UNC13C: variants seen among roughly 807,000 people sequenced by gnomAD.
UNC13C encodes the protein unc-13 homolog C.
UNC13C carries 174 observed loss-of-function variants against 245.4 expected under a neutral mutation model. The observed-to-expected ratio is 0.71, with a 90% confidence interval of 0.63 to 0.80. The LOEUF (loss-of-function observed/expected upper bound fraction) is 0.80. Ranked by LOEUF, UNC13C falls within the 30% of genes least tolerant of loss-of-function variation. UNC13C has a pLI of 0.00. For synonymous variants in UNC13C, 992 were observed against 895.1 expected (o/e 1.11, Z -1.93); for missense variants, 2,829 against 2,602.9 (o/e 1.09, Z -1.89).
intron 17 of UNC13C, among the ~76,000 whole-genome samples, chr15:54,342,403 A>G (rs1011499586): frequency 1.3e-5 from 2 of 149,866 alleles, no homozygotes; most frequent in African/African-American, 4.9e-5. Context: ...TATCTCTACA[A>G]TTTTTTTTTT....
At chr15:53,990,524 A>C (rs540403215) in intron 1 of UNC13C, among the ~76,000 whole-genome samples, 1 of 152,082 alleles carries the variant, frequency 6.6e-6, no homozygotes, top group South Asian at 2.1e-4. Flanking sequence ...AAAATTTTAA[A>C]ATCTTTTGTT....
chr15:54,275,374 A>C (rs1257555187), intron 10 of UNC13C, among the ~76,000 whole-genome samples: 2 of 152,198 alleles, frequency 1.3e-5, no homozygotes, highest in Non-Finnish European at 2.9e-5. Context: ...AATTAAAACT[A>C]TGTGAAAATC....
chr15:54,500,895 C>T lies in UNC13C; in HGVS notation c.5218C>T (p.Leu1740=). 1 of 1,612,894 alleles carries T rather than the reference C, an allele frequency of 6.2e-7. No individual in the cohort carries two copies. The highest frequency in any genetic ancestry group is 2.2e-5 in the East Asian group (1 of 44,862). The part of the protein sequence containing the change: ...SCSVVDVFAQ[L]NQSFEIIKKL... Reference sequence around the variant, plus strand: ...CTCCGTGGTTGATGTCTTTGCTCAGCTGAATCAGAGCTTTGAAATTATTAA... The same window carrying T: ...CTCCGTGGTTGATGTCTTTGCTCAGTTGAATCAGAGCTTTGAAATTATTAA... Residue 1740 remains leucine (L), a synonymous_variant, in exon 22 of 33, where the codon CTG becomes TTG. Coordinates refer to ENST00000260323, the MANE Select transcript of UNC13C (RefSeq NM_001080534.3).
At chr15:54,020,358 T>A (rs1049048450) in intron 2 of UNC13C, among the ~76,000 whole-genome samples, 1 of 148,682 alleles carries the variant, frequency 6.7e-6, no homozygotes, top group African/African-American at 2.5e-5. Flanking sequence ...CACTGCAACC[T>A]CCTCCTCCTG....
chr15:53,840,523 T>C, the UNC13C span, among the ~76,000 whole-genome samples: 118 of 152,200 alleles, frequency 7.8e-4, no homozygotes, highest in African/African-American at 2.8e-3. Flanking sequence ...ACTGTAAGAC[T>C]TGAGCAGTCA....
chr15:54,478,582 C>T (rs1314151619), intron 19 of UNC13C, among the ~76,000 whole-genome samples: 8 of 151,880 alleles, frequency 5.3e-5, no homozygotes, highest in African/African-American at 1.4e-4. Flanking sequence ...AGTAGTCATT[C>T]AGGAGCAGGT....
chr15:53,848,611 G>GTGTT, the UNC13C span, among the ~76,000 whole-genome samples: 1 of 152,080 alleles, frequency 6.6e-6, no homozygotes, highest in Admixed American at 6.5e-5. Context: ...GTTGGACAGG[G>GTGTT]TGTTCTCTGT....
At chr15:54,375,238 G>A (rs1258893861) in intron 17 of UNC13C, among the ~76,000 whole-genome samples, 2 of 152,204 alleles carry the variant, frequency 1.3e-5, no homozygotes, top group Non-Finnish European at 2.9e-5. Flanking sequence ...TGCCTCAACT[G>A]TATCAAATGA....
the UNC13C span, among the ~76,000 whole-genome samples, chr15:53,941,745 A>C: frequency 6.6e-6 from 1 of 152,212 alleles, no homozygotes; most frequent in Non-Finnish European, 1.5e-5. Context: ...AAAAGTAGGC[A>C]AAGGATATGA....
intron 2 of UNC13C, among the ~76,000 whole-genome samples, chr15:54,096,468 A>T (rs1325601341): frequency 1.3e-5 from 2 of 152,094 alleles, no homozygotes; most frequent in Admixed American, 6.5e-5. Context: ...TTTTCCCCTT[A>T]ACAGCAAAAC....
the UNC13C span, among the ~76,000 whole-genome samples, chr15:53,885,293 G>T: frequency 1.3e-5 from 2 of 152,174 alleles, no homozygotes; most frequent in African/African-American, 4.8e-5. Context: ...TCTTCCCTAA[G>T]GTGGGGCATA....
intron 10 of UNC13C, among the ~76,000 whole-genome samples, chr15:54,275,855 C>G (rs979208010): frequency 2.4e-4 from 37 of 152,026 alleles, no homozygotes; most frequent in African/African-American, 8.4e-4. Flanking sequence ...GAAAACAACC[C>G]CAAGTCTTCA....
intron 16 of UNC13C, among the ~76,000 whole-genome samples, chr15:54,336,277 G>C (rs1364961796): frequency 6.6e-6 from 1 of 151,970 alleles, no homozygotes; most frequent in Non-Finnish European, 1.5e-5. Flanking sequence ...ACCTCACAAA[G>C]TTATCATATT....
intron 19 of UNC13C, among the ~76,000 whole-genome samples, chr15:54,443,362 G>A (rs1006875687): frequency 6.6e-6 from 1 of 151,828 alleles, no homozygotes; most frequent in African/African-American, 2.4e-5. Flanking sequence ...AATCCAATTT[G>A]TTTCATTGAT....
chr15:54,265,936 A>G (rs2036539714), intron 10 of UNC13C, among the ~76,000 whole-genome samples: 1 of 151,980 alleles, frequency 6.6e-6, no homozygotes, highest in Non-Finnish European at 1.5e-5. Context: ...TACTATTGAG[A>G]TGGTTGATGA....
intron 2 of UNC13C, among the ~76,000 whole-genome samples, chr15:54,106,295 A>C (rs1900441981): frequency 6.6e-6 from 1 of 152,226 alleles, no homozygotes; most frequent in Admixed American, 6.5e-5. Context: ...TGTCAAAGTG[A>C]TAATTTCCTT....
At chr15:53,992,571 A>T (rs2140962078) in intron 1 of UNC13C, among the ~76,000 whole-genome samples, 1 of 152,186 alleles carries the variant, frequency 6.6e-6, no homozygotes, top group Non-Finnish European at 1.5e-5. Flanking sequence ...GTTTCAGATG[A>T]ATTAACCCAG....
At chr15:54,244,138 C>T (rs1281395634) in intron 7 of UNC13C, among the ~76,000 whole-genome samples, 1 of 152,116 alleles carries the variant, frequency 6.6e-6, no homozygotes, top group African/African-American at 2.4e-5. Flanking sequence ...TTTAATCCAT[C>T]TTGAGTTAAT....
At position 54,175,508 on chromosome 15, in the gene UNC13C, A is replaced by ATTTTTTTTTTTTTTTTTTTTTTTTTTTTT. The variant is rs55925649; in HGVS notation, c.3071+31846_3071+31847insTTTTTTTTTTTTTTTTTTTTTTTTTTTTT. On this transcript the variant is annotated intron_variant, in intron 4 of 32. Coordinates refer to ENST00000260323, the MANE Select transcript of UNC13C (RefSeq NM_001080534.3). ...AAAACACTGTTGTTGTGGCCCTAGA[A>ATTTTTTTTTTTTTTTTTTTTTTTTTTTTT]TTTTTTTTTTTTTTTTTTTTTTGAG... Among the ~76,000 whole-genome samples, 14 of 105,986 alleles carry ATTTTTTTTTTTTTTTTTTTTTTTTTTTTT rather than the reference A, an allele frequency of 1.3e-4. 1 individual carries two copies. The highest frequency in any genetic ancestry group is 5.0e-4 in the African/African-American group (13 of 26,230). 69.5% of individuals were successfully genotyped at this position (105,986 alleles called of 152,430 possible).
Sources: gnomAD v4.1 joint callset for allele counts (sites outside exome capture counted in the v4.1 genomes callset) on GRCh38, gnomAD v4.1.1 for gene constraint, MANE v1.5 for transcripts, NCBI Gene and HGNC (gene_info 2026-07-23, HGNC 2026-07-21) for gene names.